Variants in NDRG4 observed in about 807,000 individuals in gnomAD.
The protein encoded by NDRG4 is NDRG family member 4.
NDRG4 carries 38 observed loss-of-function variants against 55.8 expected under a neutral mutation model. The ratio of observed to expected loss-of-function variants is 0.68; its 90% CI spans 0.53 to 0.89. NDRG4 has a LOEUF of 0.89. NDRG4 is among the 40% of genes least tolerant of loss of function. NDRG4 has a pLI of 0.00. For synonymous variants in NDRG4, 190 were observed against 182.7 expected, an observed-to-expected ratio of 1.04 and a Z score of -0.32; for missense variants, 455 against 468.6, an observed-to-expected ratio of 0.97 and a Z score of 0.27.
At chr16:58,470,790 C>T (rs914432727) in intron 1 of NDRG4, among the ~76,000 whole-genome samples, 2 of 151,752 alleles carry the variant, frequency 1.3e-5, no homozygotes, top group African/African-American at 4.8e-5. Flanking sequence ...GCCTGTAATC[C>T]CAGCTATGAA....
intron 1 of NDRG4, among the ~76,000 whole-genome samples, chr16:58,481,427 A>G (rs1226571594): frequency 6.6e-6 from 1 of 152,014 alleles, no homozygotes; most frequent in African/African-American, 2.4e-5. Context: ...ATGGCTGCCT[A>G]AGACAGTGGG....
intron 1 of NDRG4, among the ~76,000 whole-genome samples, chr16:58,482,703 C>CCCTTCCTTCCTCCCTT: frequency 9.1e-6 from 1 of 109,984 alleles, no homozygotes; most frequent in Non-Finnish European, 2.1e-5. Flanking sequence ...CTTCCTCCCT[C>CCCTTCCTTCCTCCCTT]CCTCCTTTCC....
In NDRG4 at chr16:58,464,421, G is replaced by A. The variant is rs1223445424; in HGVS notation, c.-24+624G>A. 1.5e-6 allele frequency: 2 copies of A among 1,368,102 alleles called. No homozygotes were observed. Among genetic ancestry groups the A allele is most frequent in the East Asian group, 3.1e-5 (1 of 32,386 alleles). The allele number at this position is 1,368,102 out of a possible 1,614,324, so 84.7% of individuals were successfully genotyped here. On this transcript the variant is annotated intron_variant, in intron 1 of 15. Transcript: ENST00000258187. This position sits in a 1 kb window ranked among gnomAD's most constrained non-coding sequence, Gnocchi z 4.8. ...CCGCCACCCAGAGCCGGGCCGCGCC[G>A]GGCGCCGAGATGAAGGTGCTGGGAC...
At chr16:58,503,125 G>A (rs1184309449) in intron 1 of NDRG4, among the ~76,000 whole-genome samples, 1 of 152,230 alleles carries the variant, frequency 6.6e-6, no homozygotes, top group Admixed American at 6.5e-5. Flanking sequence ...ATGACCTTGA[G>A]CAGCAAAACC....
chr16:58,474,769 G>C (rs996730960), intron 1 of NDRG4, among the ~76,000 whole-genome samples: 14 of 152,308 alleles, frequency 9.2e-5, no homozygotes, highest in African/African-American at 3.4e-4. Context: ...GGCCACTCCT[G>C]GGGTATGGAC....
At position 58,464,898 on chromosome 16, in the gene NDRG4, C is replaced by T. The variant is rs934486655; in HGVS notation, c.-24+1101C>T. 1.3e-5 allele frequency: 15 copies of T among 1,171,016 alleles called. No individual in the cohort carries two copies. In the Admixed American group the frequency reaches 2.7e-4, roughly 21 times the overall value. 72.5% of individuals were successfully genotyped at this position (1,171,016 alleles called of 1,614,324 possible). ...CTTTCTCTGGGGGAGAAGTTTCTTG[C>T]TGGGAGTGGAGGCGACGCCAAGTGG... On this transcript the variant is annotated intron_variant, in intron 1 of 15. Transcript: ENST00000258187. This position sits in a 1 kb window ranked among gnomAD's most constrained non-coding sequence, Gnocchi z 4.8.
At chr16:58,498,150 C>T (rs1156783840), upstream of NDRG4, among the ~76,000 whole-genome samples, 1 of 151,670 alleles carries the variant, frequency 6.6e-6, no homozygotes, top group African/African-American at 2.4e-5. Flanking sequence ...TTGGAGTGGG[C>T]GTAGGATTGG....
Position 58,464,717 on chromosome 16 carries a change from C to T in NDRG4, c.-24+920C>T. 8.0e-7 allele frequency: 1 copy of T among 1,254,786 alleles called. No homozygotes were observed. The highest frequency in any genetic ancestry group is 2.9e-5 in the South Asian group (1 of 33,980). 77.7% of individuals were successfully genotyped at this position (1,254,786 alleles called of 1,614,324 possible). A position where few individuals can be genotyped will look rare whatever the true frequency, so the allele number is the denominator to read the frequency against. On this transcript the variant is annotated intron_variant, in intron 1 of 15. Coordinates refer to the NDRG4 transcript ENST00000258187. The surrounding 1 kb of genome is among the most constrained non-coding windows in gnomAD (Gnocchi z 4.8). Reference sequence around the variant, plus strand: ...GTCAGGGGGTGGCCCCATGGGGTCTCTGACCAGCGGAGCTCGGATTAGGAC... The same window carrying T: ...GTCAGGGGGTGGCCCCATGGGGTCTTTGACCAGCGGAGCTCGGATTAGGAC...
rs966207440 is a variant in NDRG4, at chr16:58,464,522, C to T, written c.-24+725C>T. 25 of 1,286,882 alleles carry T rather than the reference C, an allele frequency of 1.9e-5. No individual in the cohort carries two copies. Among genetic ancestry groups the T allele is most frequent in the Non-Finnish European group, 2.5e-5 (25 of 1,013,158 alleles). The allele number at this position is 1,286,882 out of a possible 1,614,324, so 79.7% of individuals were successfully genotyped here. ...CCACTTTCCGAGTTGGAGCGGACTC[C>T]GGGCGCGGCGGCCGGGGACTGGGGC... On this transcript the variant is annotated intron_variant, in intron 1 of 15. Transcript: ENST00000258187. This position sits in a 1 kb window ranked among gnomAD's most constrained non-coding sequence, Gnocchi z 4.8.
At position 58,500,245 on chromosome 16, in the gene NDRG4, C is replaced by T; in HGVS notation, c.-4C>T. On this transcript the variant is annotated 5_prime_UTR_variant, in exon 1 of 15. Coordinates refer to ENST00000570248, the MANE Select transcript of NDRG4 (RefSeq NM_001242835.2). ...GGTAGAGGCGGGTTCCCTCCCTCGG[C>T]AAGATGCCGGAGTGCTGGGATGGGG... is the stretch of plus-strand genomic sequence containing the variant. The T allele has an allele frequency of 6.5e-7, 1 of 1,536,016 alleles. No individual in the cohort carries two copies. Among genetic ancestry groups the T allele is most frequent in the South Asian group, 1.2e-5 (1 of 84,048 alleles).
intron 1 of NDRG4, among the ~76,000 whole-genome samples, chr16:58,483,628 A>G (rs924492833): frequency 5.9e-5 from 9 of 152,338 alleles, no homozygotes; most frequent in African/African-American, 1.2e-4. Flanking sequence ...GCGTGCAGCT[A>G]TGAATCTATC....
intron 1 of NDRG4, chr16:58,487,748 C>T (rs756026378): frequency 2.0e-6 from 3 of 1,526,314 alleles, no homozygotes; most frequent in East Asian, 2.5e-5. Flanking sequence ...CTCGCCCTCC[C>T]TCCCTAGGCC....
chr16:58,502,734 T>C (rs918114017), intron 1 of NDRG4, among the ~76,000 whole-genome samples: 13 of 152,176 alleles, frequency 8.5e-5, no homozygotes, highest in Non-Finnish European at 1.9e-4. Context: ...GATGTTTCTT[T>C]CATGTCCTTG....
chr16:58,465,115 C>T (rs1208107166), intron 1 of NDRG4: 1 of 1,286,128 alleles, frequency 7.8e-7, no homozygotes, highest in Non-Finnish European at 1.0e-6. Flanking sequence ...CGAGGAGTGA[C>T]TTCTGTGTTC....
chr16:58,497,958 T>C (rs2036595145), upstream of NDRG4, among the ~76,000 whole-genome samples: 1 of 150,048 alleles, frequency 6.7e-6, no homozygotes, highest in Non-Finnish European at 1.5e-5. Context: ...ACAGAGAGGT[T>C]AAAAAAAAAA....
intron 1 of NDRG4, among the ~76,000 whole-genome samples, chr16:58,482,705 CTCCT>C (rs68180783): frequency 3.1e-3 from 108 of 34,752 alleles, no homozygotes; most frequent in Middle Eastern, 0.023. Context: ...TCCTCCCTCC[CTCCT>C]TTCCTTCCTC....
chr16:58,480,873 T>C (rs2034301591), intron 1 of NDRG4, among the ~76,000 whole-genome samples: 1 of 152,120 alleles, frequency 6.6e-6, no homozygotes, highest in South Asian at 2.1e-4. Flanking sequence ...CTGGGCGTGG[T>C]GGCAGAAGCC....
intron 13 of NDRG4, among the ~76,000 whole-genome samples, chr16:58,509,881 A>C (rs2038557877): frequency 6.6e-6 from 1 of 152,086 alleles, no homozygotes; most frequent in African/African-American, 2.4e-5. Context: ...AAGCAGCTGA[A>C]CCTGGCTTGG....
chr16:58,485,179 G>A (rs1329654449), intron 1 of NDRG4, among the ~76,000 whole-genome samples: 1 of 151,966 alleles, frequency 6.6e-6, no homozygotes, highest in Non-Finnish European at 1.5e-5. Context: ...CACCACGCCC[G>A]GCCCATAACT....
Sources: gnomAD v4.1 joint callset for allele counts (sites outside exome capture counted in the v4.1 genomes callset) on GRCh38, gnomAD v4.1.1 for gene constraint, Gnocchi (gnomAD v3.1) non-coding constraint, MANE v1.5 for transcripts, NCBI Gene and HGNC (gene_info 2026-07-23, HGNC 2026-07-21) for gene names.